GSS: variants seen among roughly 807,000 people sequenced by gnomAD.
GSS encodes the protein glutathione synthetase, also known as GSH synthetase.
In GSS, 34 loss-of-function variants were observed where a neutral mutation model predicts 60.4. The observed-to-expected ratio is 0.56, with a 90% CI of 0.43 to 0.75. GSS has a LOEUF of 0.75. Among genes scored for constraint, GSS ranks in the 30% least tolerant of loss-of-function variants. GSS has a pLI of 0.00. For missense variants in GSS, 499 were observed against 595.1 expected, an observed-to-expected ratio of 0.84 and a Z score of 1.68; for synonymous variants, 224 against 239.0, an observed-to-expected ratio of 0.94 and a Z score of 0.58.
intron 4 of GSS, 143 bp from the exon 5 acceptor site, chr20:34,942,770 T>C (rs2081494248): frequency 1.0e-6 from 1 of 975,898 alleles, no homozygotes; most frequent in Non-Finnish European, 1.6e-6. Flanking sequence ...ATCATTCTTC[T>C]GGTCATCCTA....
At chr20:34,952,439 AT>A (rs113394651) in intron 1 of GSS, 2,408 of 148,404 alleles carry the variant, frequency 0.016, 23 homozygotes, top group African/African-American at 0.032. Flanking sequence ...GAGGCTTTGT[AT>A]TTTTTTTTTT....
intron 7 of GSS, 23 bp downstream of exon 7, chr20:34,936,920 G>C: frequency 6.2e-7 from 1 of 1,607,938 alleles, no homozygotes; most frequent in Non-Finnish European, 8.5e-7. Flanking sequence ...GCCACACCTA[G>C]AAGTCCCCCT....
At position 34,936,847 on chromosome 20, in the gene GSS, A is replaced by G; in HGVS notation, c.690-7T>C. 6.2e-7 allele frequency: 1 copy of G among 1,613,920 alleles called. No homozygotes were observed. Among genetic ancestry groups the G allele is most frequent in the African/African-American group, 1.3e-5 (1 of 75,046 alleles). On this transcript the variant is annotated splice_region_variant and splice_polypyrimidine_tract_variant and intron_variant, in intron 7 of 12. Coordinates refer to ENST00000651619, the MANE Select transcript of GSS (RefSeq NM_000178.4). ...TCGGATCACATGGATGTTCCTGGGA[A>G]AAATGGGCAAGAGCCAGAGGGAATG...
intron 11 of GSS, among the ~76,000 whole-genome samples, chr20:34,929,902 T>C (rs903622037): frequency 1.3e-5 from 2 of 152,188 alleles, no homozygotes; most frequent in Non-Finnish European, 2.9e-5. Context: ...CCTCCACGCT[T>C]GCTCTCTCCC....
At chr20:34,949,733 T>C (rs1347766727) in intron 2 of GSS, 1 of 152,188 alleles carries the variant, frequency 6.6e-6, no homozygotes, top group Non-Finnish European at 1.5e-5. Flanking sequence ...ATCTCTGTTG[T>C]GGTGAGGAGT....
upstream of GSS, chr20:34,955,904 C>G (rs554771167): frequency 6.6e-6 from 1 of 152,400 alleles, no homozygotes; most frequent in East Asian, 1.9e-4. Flanking sequence ...AAGGGGCGGT[C>G]GATGAGAGGG....
intron 6 of GSS, 135 bp from the exon 7 acceptor site, chr20:34,937,158 C>T (rs2081447749): frequency 1.4e-6 from 1 of 703,140 alleles, no homozygotes; most frequent in Non-Finnish European, 2.6e-6. Context: ...CAGATGTTCC[C>T]TCTCTCAGGA....
In GSS at chr20:34,941,765, T is replaced by C. The variant is rs568346076; in HGVS notation, c.556A>G (p.Lys186Glu). 9.9e-6 allele frequency: 16 copies of C among 1,611,946 alleles called. No homozygotes were observed. Among genetic ancestry groups the C allele is most frequent in the Non-Finnish European group, 1.4e-5 (16 of 1,179,402 alleles). The stretch of plus-strand genomic sequence containing the variant: ...TTGGCAATTCCCAGGGCCAGTCCCT[T>C]GCTGGGATTATTAGAGAGGATCTTG... ...AGKILSNNPS[K>E]GLALGIAKAW... The change falls in exon 6 of 13, where the codon AAG becomes GAG. Residue 186 changes from lysine (K) to glutamate (E), a missense_variant. Coordinates refer to ENST00000651619, the MANE Select transcript of GSS (RefSeq NM_000178.4).
chr20:34,932,775 C>T lies in GSS; in HGVS notation c.835-642G>A, dbSNP rs138845596. Among the ~76,000 whole-genome samples, 61 of 152,302 alleles carry T rather than the reference C, an allele frequency of 4.0e-4. 1 individual carries two copies. The highest frequency in any genetic ancestry group is 1.0e-3 in the Admixed American group (16 of 15,284). On this transcript the variant is annotated intron_variant, in intron 9 of 12. Coordinates refer to ENST00000651619, the MANE Select transcript of GSS (RefSeq NM_000178.4). ...CAGTTACCTGAGACTAAAACACACA[C>T]ATGCACACATACACGCACACGCACA...
At chr20:34,951,379 T>C in intron 2 of GSS, 1 of 260,922 alleles carries the variant, frequency 3.8e-6, no homozygotes, top group Non-Finnish European at 7.4e-6. Flanking sequence ...GATTATGGGG[T>C]TTTCAGTAAT....
At chr20:34,950,036 T>TACACACACACACAC (rs1411691065) in intron 2 of GSS, 4 of 45,870 alleles carry the variant, frequency 8.7e-5, no homozygotes, top group East Asian at 4.4e-4. Context: ...CACACACACA[T>TACACACACACACAC]ACACACACAC....
At position 34,931,390 on chromosome 20, in the gene GSS, C is replaced by T. The variant is rs369420128; in HGVS notation, c.1057G>A (p.Glu353Lys). The change falls in exon 11 of 13, where the codon GAG (glutamate) becomes AAG (lysine). Residue 353 changes from glutamate (E) to lysine (K), a missense_variant. Transcript: ENST00000651619. Reference protein sequence around the residue: ...VGEEGDQAIAEALAAPSRFVL... With the variant: ...VGEEGDQAIAKALAAPSRFVL... ...AACCGGCTAGGGGCAGCAAGGGCCT[C>T]GGCGATGGCCTGGTCCCCTTCTTCA... The T allele has an allele frequency of 5.4e-5, 87 of 1,614,092 alleles. No homozygotes were observed. The highest frequency in any genetic ancestry group is 7.4e-5 in the Non-Finnish European group (87 of 1,180,018).
In GSS at chr20:34,955,792, G is replaced by A. The variant is rs1005106418; in HGVS notation, c.-74C>T. The stretch of plus-strand genomic sequence containing the variant: ...CGCCGCTACCCAGGCTCAGGGGGCG[G>A]GGCCTCGATGCGACCCAGTGCGCTT... On this transcript the variant is annotated 5_prime_UTR_variant, in exon 1 of 13. Coordinates refer to ENST00000651619, the MANE Select transcript of GSS (RefSeq NM_000178.4). 40 of 152,262 alleles carry A rather than the reference G, an allele frequency of 2.6e-4. No homozygotes were observed. Among genetic ancestry groups the A allele is most frequent in the African/African-American group, 9.2e-4 (38 of 41,454 alleles). 9.4% of individuals were successfully genotyped at this position (152,262 alleles called of 1,614,324 possible). A position where few individuals can be genotyped will look rare whatever the true frequency, so the allele number is the denominator to read the frequency against.
Position 34,945,996 on chromosome 20 carries a change from C to A in GSS, c.232G>T (p.Ala78Ser). The change falls in exon 3 of 13, where the codon GCT (alanine) becomes TCT (serine). Residue 78 changes from alanine to serine, a missense_variant. Ala to Ser is a moderately conservative substitution (Grantham distance 99, BLOSUM62 1). Coordinates refer to ENST00000651619, the MANE Select transcript of GSS (RefSeq NM_000178.4). Reference sequence around the variant, plus strand: ...AGGAAGGCAGCGTTCTGGCTGACAGCATCCACTAGCAGGTTGAAGTCCATC... The same window carrying A: ...AGGAAGGCAGCGTTCTGGCTGACAGAATCCACTAGCAGGTTGAAGTCCATC... ...VQMDFNLLVD[A>S]VSQNAAFLEQ... is the part of the protein sequence containing the mutation. The A allele has an allele frequency of 6.2e-7, 1 of 1,614,210 alleles. No individual in the cohort carries two copies. Among genetic ancestry groups the A allele is most frequent in the East Asian group, 2.2e-5 (1 of 44,890 alleles).
chr20:34,933,124 G>A (rs1037107045), intron 9 of GSS, among the ~76,000 whole-genome samples: 3 of 152,108 alleles, frequency 2.0e-5, no homozygotes, highest in Non-Finnish European at 4.4e-5. Flanking sequence ...GGGATTACAG[G>A]TACGAGCCAC....
At position 34,936,730 on chromosome 20, in the gene GSS, C is replaced by A. The variant is rs756236343; in HGVS notation, c.767+33G>T. The stretch of plus-strand genomic sequence containing the variant: ...AGGGTGGCAGGATGAGTTTCATAAA[C>A]CAGCCTTCCACTGGATTCTTGGGAA... On this transcript the variant is annotated intron_variant, in intron 8 of 12. Coordinates refer to ENST00000651619, the MANE Select transcript of GSS (RefSeq NM_000178.4). 4.7e-6 allele frequency: 7 copies of A among 1,477,702 alleles called. No homozygotes were observed. The South Asian group carries it at 6.8e-5, about 14-fold the overall frequency. 91.5% of individuals were successfully genotyped at this position (1,477,702 alleles called of 1,614,324 possible).
chr20:34,939,070 G>A (rs1247435634), intron 6 of GSS, among the ~76,000 whole-genome samples: 2 of 152,094 alleles, frequency 1.3e-5, no homozygotes, highest in Non-Finnish European at 2.9e-5. Flanking sequence ...GAGAAACCCC[G>A]TTTCTACTAA....
chr20:34,929,143 G>C (rs1053302260), intron 12 of GSS, 192 bp from the exon 13 acceptor site: 5 of 728,314 alleles, frequency 6.9e-6, no homozygotes, highest in Admixed American at 2.2e-5. Context: ...GAGTCCTCTT[G>C]GTGCTATTTG....
rs201925123 is a variant in GSS at position 34,936,821 on chromosome 20, G to A, written c.709C>T (p.Arg237Ter). 29 of 1,613,880 alleles carry A rather than the reference G, an allele frequency of 1.8e-5. No individual in the cohort carries two copies. Among genetic ancestry groups the A allele is most frequent in the Admixed American group, 8.3e-5 (5 of 59,992 alleles). Residue 237 changes from arginine (R) to a stop codon, truncating the protein, a stop_gained, in exon 8 of 13, where the codon CGA (arginine) becomes TGA (stop). Coordinates refer to ENST00000651619, the MANE Select transcript of GSS (RefSeq NM_000178.4). LOFTEE classifies it high-confidence loss of function. ...TTTTCAGAGATATCTTCAAATGTTCGTCGGATCACATGGATGTTCCTGGGA... is the reference window on the plus strand; with the variant it reads ...TTTTCAGAGATATCTTCAAATGTTCATCGGATCACATGGATGTTCCTGGGA... ...LLARNIHVIRRTFEDISEKGS... is the reference protein window; with the variant it reads ...LLARNIHVIR
Sources: allele counts gnomAD v4.1 joint callset (sites outside exome capture counted in the v4.1 genomes callset), GRCh38; gene constraint gnomAD v4.1.1; transcripts MANE v1.5; gene names NCBI Gene and HGNC (gene_info 2026-07-23, HGNC 2026-07-21).